The following FMNL2 variants were observed in gnomAD, a reference collection of about 807,000 sequenced individuals.
The protein encoded by FMNL2 is formin like 2.
FMNL2 carries 51 observed loss-of-function variants against 130.2 expected under a neutral mutation model. The ratio of observed to expected loss-of-function variants is 0.39; its 90% CI spans 0.31 to 0.49. FMNL2 has a LOEUF of 0.49. Among genes scored for constraint, FMNL2 ranks in the 20% least tolerant of loss-of-function variants. FMNL2 has a pLI of 0.85. For missense variants in FMNL2, 977 were observed against 1,316.2 expected (o/e 0.74, Z 3.99); for synonymous variants, 465 against 467.1 (o/e 1.00, Z 0.06).
chr2:152,513,310 G>A (rs1692584582), intron 1 of FMNL2, among the ~76,000 whole-genome samples: 1 of 152,112 alleles, frequency 6.6e-6, no homozygotes, highest in Non-Finnish European at 1.5e-5. Flanking sequence ...TGTGTGTGGT[G>A]AGGACTTAAG....
At chr2:152,365,289 G>A (rs1449572854) in intron 1 of FMNL2, among the ~76,000 whole-genome samples, 2 of 152,138 alleles carry the variant, frequency 1.3e-5, no homozygotes, top group African/African-American at 4.8e-5. Context: ...AGTTTTGGGA[G>A]GAAGTCATTC....
At chr2:152,523,154 T>A (rs891923499) in intron 2 of FMNL2, among the ~76,000 whole-genome samples, 3 of 152,222 alleles carry the variant, frequency 2.0e-5, no homozygotes, top group African/African-American at 7.2e-5. Context: ...TGATAGATAA[T>A]GTTAAAGAAA....
intron 1 of FMNL2, among the ~76,000 whole-genome samples, chr2:152,427,584 T>G (rs991691508): frequency 1.3e-5 from 2 of 152,108 alleles, no homozygotes; most frequent in Admixed American, 1.3e-4. Flanking sequence ...TTTTGTTGTT[T>G]TAATTTCCAT....
intron 1 of FMNL2, among the ~76,000 whole-genome samples, chr2:152,450,238 T>A (rs1688562286): frequency 6.6e-6 from 1 of 152,234 alleles, no homozygotes; most frequent in Admixed American, 6.5e-5. Context: ...AAGCCTTGTT[T>A]TTTTCTTTGC....
chr2:152,453,715 A>T (rs1303499874), intron 1 of FMNL2, among the ~76,000 whole-genome samples: 1 of 152,218 alleles, frequency 6.6e-6, no homozygotes, highest in Admixed American at 6.5e-5. Flanking sequence ...TTTAGATTGT[A>T]TGCCATTCTG....
chr2:152,398,882 G>T (rs1322980377), intron 1 of FMNL2, among the ~76,000 whole-genome samples: 2 of 152,174 alleles, frequency 1.3e-5, no homozygotes. Context: ...AGAAGAGAAG[G>T]CAATTGTATT....
intron 1 of FMNL2, among the ~76,000 whole-genome samples, chr2:152,393,978 T>C (rs1170460541): frequency 6.6e-6 from 1 of 152,250 alleles, no homozygotes; most frequent in Non-Finnish European, 1.5e-5. Flanking sequence ...AAAACCATTC[T>C]TAGCTCACGG....
chr2:152,366,795 A>C (rs1305557573), intron 1 of FMNL2, among the ~76,000 whole-genome samples: 2 of 152,050 alleles, frequency 1.3e-5, no homozygotes, highest in African/African-American at 4.8e-5. Flanking sequence ...GTGAAACCCC[A>C]TCTCTAGAAC....
intron 10 of FMNL2, chr2:152,607,797 T>C (rs908630792): frequency 6.2e-6 from 1 of 160,838 alleles, no homozygotes; most frequent in Non-Finnish European, 1.4e-5. Context: ...GCCAGTGCCC[T>C]TCTCCAGACT....
At chr2:152,643,932 G>C in intron 25 of FMNL2, 1 of 975,582 alleles carries the variant, frequency 1.0e-6, no homozygotes, top group Non-Finnish European at 1.2e-6. Context: ...CATGTATTAA[G>C]AACTTACTGT....
chr2:152,570,780 A>C (rs1261354899), intron 6 of FMNL2, among the ~76,000 whole-genome samples: 1 of 152,166 alleles, frequency 6.6e-6, no homozygotes, highest in Non-Finnish European at 1.5e-5. Context: ...TTCAGAATGA[A>C]TAGGTTGGAA....
chr2:152,619,741 C>T, intron 15 of FMNL2, 23 bp downstream of exon 15: 4 of 1,598,854 alleles, frequency 2.5e-6, no homozygotes, highest in Non-Finnish European at 2.6e-6. Flanking sequence ...AATTCAAACC[C>T]AGGTACTCAT....
intron 1 of FMNL2, among the ~76,000 whole-genome samples, chr2:152,414,409 C>T (rs1686489791): frequency 6.6e-6 from 1 of 152,128 alleles, no homozygotes; most frequent in Non-Finnish European, 1.5e-5. Context: ...CTGTTTGTAA[C>T]TTTCATTAAA....
chr2:152,437,367 G>C (rs1383909271), intron 1 of FMNL2, among the ~76,000 whole-genome samples: 1 of 152,124 alleles, frequency 6.6e-6, no homozygotes, highest in African/African-American at 2.4e-5. Context: ...ATGCCTGTTT[G>C]CATAGCTTGT....
intron 1 of FMNL2, among the ~76,000 whole-genome samples, chr2:152,478,471 C>T (rs139752413): frequency 1.5e-3 from 231 of 151,864 alleles, no homozygotes; most frequent in Middle Eastern, 3.4e-3. Flanking sequence ...CTCCTGACCT[C>T]GTGATCTGCT....
intron 1 of FMNL2, among the ~76,000 whole-genome samples, chr2:152,496,778 T>TA (rs1691539231): frequency 2.0e-5 from 3 of 152,228 alleles, no homozygotes; most frequent in Non-Finnish European, 4.4e-5. Context: ...ATTATATTGC[T>TA]CAAATTGTTC....
chr2:152,590,014 T>C (rs149094612), intron 9 of FMNL2, among the ~76,000 whole-genome samples: 2,001 of 138,626 alleles, frequency 0.014, 101 homozygotes, highest in African/African-American at 0.051. Flanking sequence ...TATATACATA[T>C]ACATATATAT....
Position 152,647,914 on chromosome 2 carries a change from C to G in FMNL2, c.*9C>G. 6.2e-7 allele frequency: 1 copy of G among 1,607,694 alleles called. No homozygotes were observed. Among genetic ancestry groups the G allele is most frequent in the African/African-American group, 1.3e-5 (1 of 74,876 alleles). On this transcript the variant is annotated 3_prime_UTR_variant, in exon 26 of 26. Coordinates refer to ENST00000288670, the MANE Select transcript of FMNL2 (RefSeq NM_052905.4). The stretch of plus-strand genomic sequence containing the variant: ...CCGAAATAACAATGTGAACCTGAGA[C>G]TGGCCTGCATGAATACAGGGTGTGC...
At position 152,648,214 on chromosome 2, in the gene FMNL2, G is replaced by GTGAT; in HGVS notation, c.*312_*315dup. 3.8e-6 allele frequency: 1 copy of GTGAT among 262,734 alleles called. No individual in the cohort carries two copies. Among genetic ancestry groups the GTGAT allele is most frequent in the Non-Finnish European group, 7.2e-6 (1 of 138,720 alleles). 16.3% of individuals were successfully genotyped at this position (262,734 alleles called of 1,614,324 possible). On this transcript the variant is annotated 3_prime_UTR_variant, in exon 26 of 26. Coordinates refer to ENST00000288670, the MANE Select transcript of FMNL2 (RefSeq NM_052905.4). Reference sequence around the variant, plus strand: ...CTTATTAAACTCATTACCTGCCATTGTGATTGTCCCATCATGGCCCACCTG... The same window carrying GTGAT: ...CTTATTAAACTCATTACCTGCCATTGTGATTGATTGTCCCATCATGGCCCACCTG...
Sources: gnomAD v4.1 joint callset for allele counts (sites outside exome capture counted in the v4.1 genomes callset) on GRCh38, gnomAD v4.1.1 for gene constraint, MANE v1.5 for transcripts, NCBI Gene and HGNC (gene_info 2026-07-23, HGNC 2026-07-21) for gene names.